Variants in SMARCA2 observed in about 807,000 individuals in gnomAD.
The protein encoded by SMARCA2 is SWI/SNF-related matrix-associated actin-dependent regulator of chromatin subfamily A member 2.
In SMARCA2, 61 loss-of-function variants were observed where a neutral mutation model predicts 199.8. The observed-to-expected ratio is 0.31, with a 90% CI of 0.25 to 0.38. The LOEUF (loss-of-function observed/expected upper bound fraction) is 0.38, where lower values mean the gene tolerates loss of function less well. SMARCA2 is among the 10% of genes least tolerant of loss of function. SMARCA2 has a pLI of 1.00. For missense variants in SMARCA2, 1,344 were observed against 2,012.2 expected (o/e 0.67, Z 6.35); for synonymous variants, 935 against 732.0 (o/e 1.28, Z -4.48).
intron 29 of SMARCA2, among the ~76,000 whole-genome samples, chr9:2,180,609 T>C (rs1042727107): frequency 1.8e-4 from 28 of 152,306 alleles, no homozygotes; most frequent in African/African-American, 6.7e-4. Flanking sequence ...GGAGTGAGAC[T>C]TTTGTGAAAA....
Position 2,164,013 on chromosome 9 carries a change from C to G in SMARCA2, c.4199+2110C>G, listed in dbSNP as rs1301548555. ...AACTCTGGCAGCACTTTGCCCAGCT[C>G]TCCCTAAGGTAACAATCAGTAGGCA... On this transcript the variant is annotated intron_variant, in intron 28 of 33. Transcript: ENST00000349721. Among the ~76,000 whole-genome samples, 3 of 152,168 alleles carry G rather than the reference C, an allele frequency of 2.0e-5. No individual in the cohort carries two copies. In the East Asian group the frequency reaches 5.8e-4, roughly 29 times the overall value.
chr9:2,124,211 G>T (rs1293181574), intron 27 of SMARCA2, among the ~76,000 whole-genome samples: 1 of 152,234 alleles, frequency 6.6e-6, no homozygotes, highest in Non-Finnish European at 1.5e-5. Flanking sequence ...GGAAGCACAG[G>T]ATTATGAGAG....
chr9:2,032,717 A>AAAACAAACAAAC (rs111319405), intron 2 of SMARCA2: 5 of 363,918 alleles, frequency 1.4e-5, no homozygotes, highest in African/African-American at 8.5e-5. Flanking sequence ...GATATTACAA[A>AAAACAAACAAAC]AAACAAACAA....
At chr9:2,176,067 G>T (rs1305220735) in intron 29 of SMARCA2, among the ~76,000 whole-genome samples, 1 of 151,810 alleles carries the variant, frequency 6.6e-6, no homozygotes, top group East Asian at 1.9e-4. Flanking sequence ...TTTTGGTAAA[G>T]ATGAGGTTTC....
intron 27 of SMARCA2, chr9:2,160,494 C>G (rs1369610304): frequency 5.0e-6 from 3 of 598,266 alleles, no homozygotes; most frequent in Non-Finnish European, 9.2e-6. Context: ...CAAAACCTTT[C>G]TTTTTCAGGA....
intron 3 of SMARCA2, among the ~76,000 whole-genome samples, chr9:2,035,956 T>C (rs1819312008): frequency 6.6e-6 from 1 of 152,188 alleles, no homozygotes; most frequent in South Asian, 2.1e-4. Context: ...AAGCCATTTA[T>C]TAATATAAAA....
intron 27 of SMARCA2, among the ~76,000 whole-genome samples, chr9:2,153,097 A>C (rs1284141133): frequency 1.3e-5 from 2 of 152,224 alleles, no homozygotes; most frequent in East Asian, 3.9e-4. Flanking sequence ...AAAGGAACTC[A>C]GCTAATTCAC....
At chr9:2,018,079 C>G (rs531929055) in intron 1 of SMARCA2, 1 of 152,336 alleles carries the variant, frequency 6.6e-6, no homozygotes, top group African/African-American at 2.4e-5. Flanking sequence ...ATTCAAACTT[C>G]GGGCCTAAAC....
chr9:2,182,473 A>G (rs1827106438), intron 31 of SMARCA2, among the ~76,000 whole-genome samples: 1 of 123,046 alleles, frequency 8.1e-6, no homozygotes, highest in Non-Finnish European at 1.7e-5. Context: ...TTCAAAGCTT[A>G]TAGTCTTTTT....
rs763135326 is a variant in SMARCA2 at position 2,123,757 on chromosome 9, C to G, written c.3801C>G (p.Asn1267Lys). 3 of 1,614,080 alleles carry G rather than the reference C, an allele frequency of 1.9e-6. No individual in the cohort carries two copies. The highest frequency in any genetic ancestry group is 2.5e-6 in the Non-Finnish European group (3 of 1,180,008). ...ACCGGCGGAGGGAAGATGCCCGGAA[C>G]CCGAAACGGAAGCCCCGTTTAATGG... ...DMDRRREDAR[N>K]PKRKPRLMEE... Residue 1267 changes from asparagine to lysine, a missense_variant, in exon 27 of 34, where the codon AAC becomes AAG. This residue lies in a region of SMARCA2 where 63 missense variants were observed against 83.3 expected (regional missense o/e 0.76). Transcript: ENST00000349721. The surrounding 1 kb of genome is among the most constrained non-coding windows in gnomAD (Gnocchi z 4.1).
chr9:2,108,294 G>A (rs1270906422), intron 23 of SMARCA2, among the ~76,000 whole-genome samples: 3 of 152,204 alleles, frequency 2.0e-5, no homozygotes, highest in Non-Finnish European at 4.4e-5. Context: ...CTGTAAAGTA[G>A]CCAGTGAAGG....
At position 2,118,421 on chromosome 9, in the gene SMARCA2, GAC is replaced by G. The variant is rs1160172669; in HGVS notation, c.3685-1033_3685-1032del. Among the ~76,000 whole-genome samples, 5 of 152,228 alleles carry G rather than the reference GAC, an allele frequency of 3.3e-5. No individual in the cohort carries two copies. The South Asian group carries it at 1.0e-3, about 32-fold the overall frequency. Reference sequence around the variant, plus strand: ...TGCGAAAGACGTTATCTTGGGAGCCGACACAGTCATCTCATTTGAGCCGCTAG... The same window carrying G: ...TGCGAAAGACGTTATCTTGGGAGCCGACAGTCATCTCATTTGAGCCGCTAG... On this transcript the variant is annotated intron_variant, in intron 25 of 33. Transcript: ENST00000349721.
chr9:2,112,493 T>A (rs2130587797), intron 24 of SMARCA2, among the ~76,000 whole-genome samples: 1 of 152,224 alleles, frequency 6.6e-6, no homozygotes, highest in African/African-American at 2.4e-5. Flanking sequence ...TTTTTTTTCG[T>A]ACTTTCTCTC....
chr9:2,027,223 C>G (rs1818870618), intron 1 of SMARCA2, among the ~76,000 whole-genome samples: 1 of 152,132 alleles, frequency 6.6e-6, no homozygotes, highest in South Asian at 2.1e-4. Flanking sequence ...GGGACGATCA[C>G]TTGAGGCCAG....
chr9:2,121,652 T>C (rs1437039893), intron 26 of SMARCA2, among the ~76,000 whole-genome samples: 7 of 152,192 alleles, frequency 4.6e-5, no homozygotes, highest in African/African-American at 2.4e-5. Flanking sequence ...TGCAAACTTA[T>C]TATTTGATTT....
intron 9 of SMARCA2, among the ~76,000 whole-genome samples, chr9:2,061,391 G>A (rs1420742692): frequency 6.6e-6 from 1 of 152,188 alleles, no homozygotes; most frequent in African/African-American, 2.4e-5. Context: ...AGAAGCCAGA[G>A]GAAGATATAA....
At position 2,149,730 on chromosome 9, in the gene SMARCA2, C is replaced by G. The variant is rs187381812; in HGVS notation, c.3982-11956C>G. ...GCCAAACCATATCACTGGCCATGTT[C>G]ACCTTTGTTCTTATTTTTTTGCGCT... On this transcript the variant is annotated intron_variant, in intron 27 of 33. Transcript: ENST00000349721. Among the ~76,000 whole-genome samples the G allele has an allele frequency of 2.0e-5, 3 of 151,446 alleles. 1 individual carries two copies. Among genetic ancestry groups the G allele is most frequent in the Non-Finnish European group, 4.4e-5 (3 of 67,700 alleles).
At chr9:2,047,546 G>C (rs1819921837) in intron 5 of SMARCA2, 62 bp downstream of exon 5, 2 of 1,234,628 alleles carry the variant, frequency 1.6e-6, no homozygotes, top group East Asian at 3.3e-5. Flanking sequence ...CCCAAGCCGA[G>C]GGGGGTGAGG....
intron 25 of SMARCA2, among the ~76,000 whole-genome samples, chr9:2,117,584 C>T (rs904605035): frequency 1.3e-5 from 2 of 152,200 alleles, no homozygotes; most frequent in South Asian, 2.1e-4. Flanking sequence ...CTCAGCCAGT[C>T]GTCTCCACTA....
Sources: allele counts gnomAD v4.1 joint callset (sites outside exome capture counted in the v4.1 genomes callset), GRCh38; gene constraint gnomAD v4.1.1; regional missense constraint gnomAD v4.1.1; non-coding constraint Gnocchi (gnomAD v3.1); transcripts MANE v1.5; gene names NCBI Gene and HGNC (gene_info 2026-07-23, HGNC 2026-07-21).